MAMDC2: variants seen among roughly 807,000 people sequenced by gnomAD.
MAMDC2 encodes MAM domain-containing protein 2.
Under a neutral mutation model 89.8 loss-of-function variants are expected in MAMDC2, and 57 were observed. The ratio of observed to expected loss-of-function variants is 0.63; its 90% CI spans 0.51 to 0.79. The LOEUF (loss-of-function observed/expected upper bound fraction) is 0.79. Ranked by LOEUF, MAMDC2 falls within the 30% of genes least tolerant of loss-of-function variation. The pLI, the probability that MAMDC2 is intolerant of heterozygous loss-of-function variation, is 0.00. For synonymous variants in MAMDC2, 313 were observed against 293.4 expected, an observed-to-expected ratio of 1.07 and a Z score of -0.68; for missense variants, 800 against 820.6, an observed-to-expected ratio of 0.97 and a Z score of 0.31.
chr9:70,108,962 A>G (rs1828424958), intron 3 of MAMDC2, among the ~76,000 whole-genome samples: 1 of 152,200 alleles, frequency 6.6e-6, no homozygotes. Flanking sequence ...CAAAGAGGGA[A>G]GTTGTTCCTT....
At chr9:70,193,265 C>T (rs1163984410) in intron 11 of MAMDC2, among the ~76,000 whole-genome samples, 1 of 152,032 alleles carries the variant, frequency 6.6e-6, no homozygotes, top group Non-Finnish European at 1.5e-5. Context: ...CGTAGTATTG[C>T]TTACACTGAT....
intron 2 of MAMDC2, among the ~76,000 whole-genome samples, chr9:70,098,302 T>C (rs1828078594): frequency 6.6e-6 from 1 of 152,198 alleles, no homozygotes; most frequent in African/African-American, 2.4e-5. Context: ...CCAGTAATAT[T>C]TGATAGCATC....
rs1294124789 is a variant in MAMDC2, at chr9:70,126,307, C to T, written c.792C>T (p.Tyr264=). 1.9e-6 allele frequency: 3 copies of T among 1,614,060 alleles called. No individual in the cohort carries two copies. In the African/African-American group the frequency reaches 4.0e-5, roughly 22 times the overall value. ...GGAATGACAATGTCTTTTCCCTTTA[C>T]ACTCGGGATGTGGCTGGCCTTTACG... is the stretch of plus-strand genomic sequence containing the variant. ...QQGNDNVFSL[Y]TRDVAGLYEE... is the part of the protein sequence containing the mutation. The change falls in exon 6 of 14, where the codon TAC becomes TAT. Residue 264 remains tyrosine (Y), a synonymous_variant. Coordinates refer to ENST00000377182, the MANE Select transcript of MAMDC2 (RefSeq NM_153267.5).
intron 11 of MAMDC2, among the ~76,000 whole-genome samples, chr9:70,212,664 C>T (rs529430222): frequency 5.3e-4 from 80 of 152,258 alleles, no homozygotes; most frequent in African/African-American, 1.8e-3. Flanking sequence ...GAACCCAGTA[C>T]CTCAGTTGGA....
intron 2 of MAMDC2, among the ~76,000 whole-genome samples, chr9:70,050,683 A>C (rs2117980164): frequency 6.6e-6 from 1 of 152,348 alleles, no homozygotes. Flanking sequence ...ATAAATAAAC[A>C]TTAGTTTTTC....
intron 11 of MAMDC2, chr9:70,217,484 AACCTT>A (rs2033471071): frequency 6.8e-7 from 1 of 1,471,050 alleles, no homozygotes; most frequent in East Asian, 2.3e-5. Context: ...AGGAATCAGA[AACCTT>A]AAGTTAGAAA....
At chr9:70,069,570 T>A (rs541660781) in intron 2 of MAMDC2, among the ~76,000 whole-genome samples, 1 of 152,362 alleles carries the variant, frequency 6.6e-6, no homozygotes, top group South Asian at 2.1e-4. Context: ...TGATAAGTTT[T>A]AACATTGAAA....
chr9:70,122,335 C>A (rs2030322822), intron 5 of MAMDC2, among the ~76,000 whole-genome samples: 1 of 152,180 alleles, frequency 6.6e-6, no homozygotes, highest in Admixed American at 6.5e-5. Context: ...ATCCTGAGCA[C>A]AAGTTGCTAG....
chr9:70,096,899 G>A (rs1005465458), intron 2 of MAMDC2, among the ~76,000 whole-genome samples: 15 of 152,118 alleles, frequency 9.9e-5, no homozygotes. Flanking sequence ...GCTGCCATGC[G>A]ATTTTATAAA....
chr9:70,067,422 C>T (rs1459080893), intron 2 of MAMDC2, among the ~76,000 whole-genome samples: 1 of 152,172 alleles, frequency 6.6e-6, no homozygotes, highest in Non-Finnish European at 1.5e-5. Context: ...TCTGCTTGCT[C>T]AGATACAGCT....
chr9:70,044,071 C>T lies in MAMDC2; in HGVS notation c.-127C>T, dbSNP rs1826670167. The T allele has an allele frequency of 2.7e-6, 3 of 1,130,040 alleles. No homozygotes were observed. In the East Asian group the frequency reaches 7.3e-5, roughly 28 times the overall value. 70.0% of individuals were successfully genotyped at this position (1,130,040 alleles called of 1,614,324 possible). On this transcript the variant is annotated 5_prime_UTR_variant, in exon 1 of 14. Coordinates refer to ENST00000377182, the MANE Select transcript of MAMDC2 (RefSeq NM_153267.5). Reference sequence around the variant, plus strand: ...GGGCAGCTCAGAGCGCAAGCTTTGCCTCTCGACTTCTCCCTCCTTGGGTCC... The same window carrying T: ...GGGCAGCTCAGAGCGCAAGCTTTGCTTCTCGACTTCTCCCTCCTTGGGTCC...
intron 2 of MAMDC2, among the ~76,000 whole-genome samples, chr9:70,081,080 T>C (rs975422363): frequency 1.1e-4 from 16 of 152,140 alleles, no homozygotes; most frequent in African/African-American, 3.9e-4. Context: ...TTACCTTTTT[T>C]TGTTTGATTT....
intron 11 of MAMDC2, among the ~76,000 whole-genome samples, chr9:70,208,403 G>T (rs1053129798): frequency 4.6e-5 from 7 of 152,160 alleles, no homozygotes; most frequent in African/African-American, 1.7e-4. Context: ...AATTGTGAAT[G>T]GGAAGTTCAC....
chr9:70,159,576 G>A (rs1039461558), intron 9 of MAMDC2, among the ~76,000 whole-genome samples: 1 of 152,198 alleles, frequency 6.6e-6, no homozygotes, highest in African/African-American at 2.4e-5. Flanking sequence ...TCAGGCCCAG[G>A]AGGGGTTCAT....
intron 9 of MAMDC2, among the ~76,000 whole-genome samples, chr9:70,155,590 C>T (rs921706927): frequency 6.6e-6 from 1 of 152,210 alleles, no homozygotes; most frequent in Non-Finnish European, 1.5e-5. Flanking sequence ...GCATTCGACA[C>T]CGATGAACAA....
intron 9 of MAMDC2, among the ~76,000 whole-genome samples, chr9:70,163,229 C>CTTTTTT (rs66957093): frequency 1.1e-3 from 136 of 124,956 alleles, no homozygotes; most frequent in Non-Finnish European, 1.6e-3. Flanking sequence ...TTCTTTCTTT[C>CTTTTTT]TTTTTTTTTT....
chr9:70,164,378 T>G (rs555831553), intron 9 of MAMDC2, among the ~76,000 whole-genome samples: 1 of 152,354 alleles, frequency 6.6e-6, no homozygotes, highest in Non-Finnish European at 1.5e-5. Context: ...TTAAAATTAT[T>G]TCTTTGCAAA....
In MAMDC2 at chr9:70,121,889, T is replaced by C. The variant is rs2030303465; in HGVS notation, c.644-4270T>C. On this transcript the variant is annotated intron_variant, in intron 5 of 13. Transcript: ENST00000377182. ...ATTGTTTTTAGAAAGGAGAATACAA[T>C]GGCACCTGCAGCCACCTACCCATTG... is the stretch of plus-strand genomic sequence containing the variant. Among the ~76,000 whole-genome samples, 6 of 152,258 alleles carry C rather than the reference T, an allele frequency of 3.9e-5. 1 individual carries two copies. The South Asian group carries it at 1.0e-3, about 26-fold the overall frequency.
At chr9:70,109,455 C>A in intron 3 of MAMDC2, 1 of 389,386 alleles carries the variant, frequency 2.6e-6, no homozygotes, top group Non-Finnish European at 4.6e-6. Flanking sequence ...AGACAGCTGA[C>A]TCTGAGCTTC....
Sources: allele counts gnomAD v4.1 joint callset (sites outside exome capture counted in the v4.1 genomes callset), GRCh38; gene constraint gnomAD v4.1.1; transcripts MANE v1.5; gene names NCBI Gene and HGNC (gene_info 2026-07-23, HGNC 2026-07-21).